ZBTB16: variants seen among roughly 807,000 people sequenced by gnomAD.
ZBTB16 encodes the protein zinc finger and BTB domain containing 16.
ZBTB16 carries 8 observed loss-of-function variants against 56.8 expected under a neutral mutation model. The observed-to-expected ratio is 0.14, with a 90% CI of 0.08 to 0.25. The LOEUF is 0.25. Among genes scored for constraint, ZBTB16 ranks in the 10% least tolerant of loss-of-function variants. The pLI, the probability that ZBTB16 is intolerant of heterozygous loss-of-function variation, is 1.00. For missense variants in ZBTB16, 625 were observed against 903.0 expected, an observed-to-expected ratio of 0.69 and a Z score of 3.95; for synonymous variants, 363 against 368.5, an observed-to-expected ratio of 0.98 and a Z score of 0.17.
chr11:114,086,849 G>A (rs1939972789), intron 2 of ZBTB16, among the ~76,000 whole-genome samples: 1 of 152,170 alleles, frequency 6.6e-6, no homozygotes, highest in Non-Finnish European at 1.5e-5. Context: ...TGGTGCAAAA[G>A]TAATTGCTAT....
rs548213732 is a variant in ZBTB16, at chr11:114,189,143, A to G, written c.1453+2105A>G. 9 of 152,374 alleles carry G rather than the reference A, an allele frequency of 5.9e-5. No homozygotes were observed. In the East Asian group the frequency reaches 1.7e-3, roughly 29 times the overall value. The allele number at this position is 152,374 out of a possible 1,614,324, so 9.4% of individuals were successfully genotyped here. A position where few individuals can be genotyped will look rare whatever the true frequency, so the allele number is the denominator to read the frequency against. On this transcript the variant is annotated intron_variant, in intron 4 of 6. Coordinates refer to ENST00000335953, the MANE Select transcript of ZBTB16 (RefSeq NM_006006.6). ...TTTGGGTTTTACTCTGCATGTGCTG[A>G]GTCCTTTGGAGGGTGACAAAATATT...
chr11:114,079,058 C>T (rs1939670891), intron 2 of ZBTB16, among the ~76,000 whole-genome samples: 1 of 150,338 alleles, frequency 6.7e-6, no homozygotes, highest in Non-Finnish European at 1.5e-5. Context: ...TGCAGTGAGC[C>T]CAGATCCTGC....
chr11:114,103,644 G>A (rs1007315912), intron 2 of ZBTB16, among the ~76,000 whole-genome samples: 15 of 152,032 alleles, frequency 9.9e-5, no homozygotes, highest in African/African-American at 3.6e-4. Context: ...CCCACCCTGT[G>A]TCAGCATCTA....
At chr11:114,087,877 G>C (rs1940019384) in intron 2 of ZBTB16, among the ~76,000 whole-genome samples, 1 of 152,106 alleles carries the variant, frequency 6.6e-6, no homozygotes, top group African/African-American at 2.4e-5. Flanking sequence ...TTTCACATCT[G>C]TGTTACAACC....
chr11:114,061,216 G>T (rs370528581), intron 1 of ZBTB16, among the ~76,000 whole-genome samples: 4 of 152,230 alleles, frequency 2.6e-5, no homozygotes, highest in South Asian at 4.1e-4. Context: ...TCCCCGCGCC[G>T]CCTGGCTGGA....
intron 2 of ZBTB16, among the ~76,000 whole-genome samples, chr11:114,071,499 A>G (rs1018519536): frequency 2.0e-5 from 3 of 152,240 alleles, no homozygotes; most frequent in Non-Finnish European, 2.9e-5. Context: ...TAGGAAAACT[A>G]TTATGAATCT....
At chr11:114,167,378 G>GTT (rs200560793) in intron 3 of ZBTB16, among the ~76,000 whole-genome samples, 1 of 80,676 alleles carries the variant, frequency 1.2e-5, no homozygotes, top group African/African-American at 8.1e-5. Context: ...ACCAGGGCGA[G>GTT]TTTTTTTGTT....
At chr11:114,222,221 G>A (rs1458224018) in intron 4 of ZBTB16, among the ~76,000 whole-genome samples, 2 of 152,042 alleles carry the variant, frequency 1.3e-5, no homozygotes, top group African/African-American at 4.8e-5. Context: ...ACTTTTGCCC[G>A]AAGACTCCAA....
chr11:114,219,046 G>A (rs989197190), intron 4 of ZBTB16, among the ~76,000 whole-genome samples: 4 of 152,102 alleles, frequency 2.6e-5, no homozygotes, highest in Non-Finnish European at 2.9e-5. Flanking sequence ...GCGTGTGCAC[G>A]CCCATGTGCT....
At chr11:114,147,807 C>A (rs1054546002) in intron 2 of ZBTB16, among the ~76,000 whole-genome samples, 1 of 152,178 alleles carries the variant, frequency 6.6e-6, no homozygotes, top group Admixed American at 6.5e-5. Context: ...TTTGCAACAT[C>A]TCCTTAATCC....
At chr11:114,133,013 C>T (rs1448684653) in intron 2 of ZBTB16, among the ~76,000 whole-genome samples, 1 of 152,280 alleles carries the variant, frequency 6.6e-6, no homozygotes, top group Admixed American at 6.5e-5. Flanking sequence ...TTGGCTCTTC[C>T]ATGCGGCAAT....
chr11:114,242,776 C>A (rs906883441), intron 5 of ZBTB16, among the ~76,000 whole-genome samples: 6 of 152,232 alleles, frequency 3.9e-5, no homozygotes, highest in African/African-American at 1.4e-4. Flanking sequence ...CCGCTCTATC[C>A]ATACACATTT....
At chr11:114,174,660 A>G (rs1403062938) in intron 3 of ZBTB16, among the ~76,000 whole-genome samples, 1 of 152,248 alleles carries the variant, frequency 6.6e-6, no homozygotes, top group Admixed American at 6.5e-5. Context: ...TCAACAAATG[A>G]AAGAAATAAA....
Position 114,250,682 on chromosome 11 carries a change from T to G in ZBTB16, c.*127T>G. On this transcript the variant is annotated 3_prime_UTR_variant, in exon 7 of 7. Coordinates refer to ENST00000335953, the MANE Select transcript of ZBTB16 (RefSeq NM_006006.6). This position sits in a 1 kb window ranked among gnomAD's most constrained non-coding sequence, Gnocchi z 6.0. ...AAAACAGAAGGAAAAGGAAACCTGG[T>G]AGCTTTTTGGCCTTGGATTCTCTCT... 2 of 1,113,816 alleles carry G rather than the reference T, an allele frequency of 1.8e-6. No homozygotes were observed. 69.0% of individuals were successfully genotyped at this position (1,113,816 alleles called of 1,614,324 possible).
chr11:114,185,604 G>A (rs1426200535), intron 3 of ZBTB16, among the ~76,000 whole-genome samples: 3 of 152,324 alleles, frequency 2.0e-5, no homozygotes, highest in Non-Finnish European at 4.4e-5. Flanking sequence ...AGTAGATTGC[G>A]GGTGGCTGGT....
chr11:114,109,959 A>T (rs934236329), intron 2 of ZBTB16, among the ~76,000 whole-genome samples: 2 of 152,202 alleles, frequency 1.3e-5, no homozygotes, highest in Non-Finnish European at 2.9e-5. Context: ...CGGGGGCCAC[A>T]GGAGGACTTC....
At chr11:114,149,136 T>C (rs1405030357) in intron 2 of ZBTB16, among the ~76,000 whole-genome samples, 1 of 152,068 alleles carries the variant, frequency 6.6e-6, no homozygotes, top group Non-Finnish European at 1.5e-5. Context: ...GTAAACCTGG[T>C]TGGAAAGAAC....
intron 2 of ZBTB16, among the ~76,000 whole-genome samples, chr11:114,082,097 T>G: frequency 1.6e-5 from 2 of 128,376 alleles, no homozygotes; most frequent in African/African-American, 3.1e-5. Context: ...GCTTGGGCAA[T>G]ATAGCGAGAC....
At chr11:114,132,104 T>A (rs1941676649) in intron 2 of ZBTB16, among the ~76,000 whole-genome samples, 2 of 152,136 alleles carry the variant, frequency 1.3e-5, no homozygotes, top group African/African-American at 2.4e-5. Context: ...AACTTTAATG[T>A]CAAATGTTCT....
Sources: allele counts gnomAD v4.1 joint callset (sites outside exome capture counted in the v4.1 genomes callset), GRCh38; gene constraint gnomAD v4.1.1; non-coding constraint Gnocchi (gnomAD v3.1); transcripts MANE v1.5; gene names NCBI Gene and HGNC (gene_info 2026-07-23, HGNC 2026-07-21).